The following MTDH variants were observed in gnomAD, a reference collection of about 807,000 sequenced individuals.
The protein encoded by MTDH is protein LYRIC.
In MTDH, 34 loss-of-function variants were observed where a neutral mutation model predicts 72.7. The ratio of observed to expected loss-of-function variants is 0.47; its 90% CI spans 0.36 to 0.62. MTDH has a LOEUF of 0.62. MTDH is among the 20% of genes least tolerant of loss of function. The pLI is 0.00. For missense variants in MTDH, 677 were observed against 699.4 expected, an observed-to-expected ratio of 0.97 and a Z score of 0.36; for synonymous variants, 266 against 268.9, an observed-to-expected ratio of 0.99 and a Z score of 0.10.
At chr8:97,699,075 T>C (rs529026225) in intron 6 of MTDH, among the ~76,000 whole-genome samples, 9 of 151,824 alleles carry the variant, frequency 5.9e-5, no homozygotes, top group Non-Finnish European at 8.8e-5. Flanking sequence ...CACTTAAGCC[T>C]AGGAGTTCAA....
chr8:97,694,283 C>T (rs1012205312), intron 6 of MTDH, among the ~76,000 whole-genome samples: 3 of 151,780 alleles, frequency 2.0e-5, no homozygotes, highest in South Asian at 2.1e-4. Flanking sequence ...CCACAACCAC[C>T]GCCTCTCGGG....
At chr8:97,690,794 A>G (rs1813573044) in intron 5 of MTDH, among the ~76,000 whole-genome samples, 158 bp from the exon 6 acceptor site, 2 of 152,224 alleles carry the variant, frequency 1.3e-5, no homozygotes, top group African/African-American at 4.8e-5. Context: ...TGTTATGTTC[A>G]AGCCTCCTGT....
intron 11 of MTDH, 35 bp from the exon 12 acceptor site, chr8:97,724,565 A>AT (rs755689608): frequency 5.0e-5 from 74 of 1,472,588 alleles, no homozygotes; most frequent in Non-Finnish European, 4.6e-5. Flanking sequence ...CATCCTCCTA[A>AT]TTTTTTTCTT....
chr8:97,723,098 A>G lies in MTDH; in HGVS notation c.1678+63A>G. 4 of 1,538,652 alleles carry G rather than the reference A, an allele frequency of 2.6e-6. No homozygotes were observed. In the South Asian group the frequency reaches 5.0e-5, roughly 19 times the overall value. Reference sequence around the variant, plus strand: ...ACATTTTTCATGTGTTAAGGTTCTGATCTTAAAAGTCTAATGGAGGCCAGG... The same window carrying G: ...ACATTTTTCATGTGTTAAGGTTCTGGTCTTAAAAGTCTAATGGAGGCCAGG... On this transcript the variant is annotated intron_variant, in intron 11 of 11. Transcript: ENST00000336273.
intron 1 of MTDH, among the ~76,000 whole-genome samples, chr8:97,648,800 G>A (rs1226048716): frequency 1.3e-5 from 2 of 152,180 alleles, no homozygotes; most frequent in Non-Finnish European, 2.9e-5. Flanking sequence ...AGATAGCCTT[G>A]CACAGTGCTT....
chr8:97,710,624 G>A (rs1814586346), intron 8 of MTDH, among the ~76,000 whole-genome samples: 1 of 148,346 alleles, frequency 6.7e-6, no homozygotes, highest in South Asian at 2.1e-4. Context: ...CTTGAACTGG[G>A]AGGCAGAGGT....
rs1311 is a variant in MTDH, at chr8:97,726,133, T to C, written c.*1463T>C. 14,771 of 152,626 alleles carry C rather than the reference T, an allele frequency of 0.097. 1,054 individuals carry two copies. Among genetic ancestry groups the C allele is most frequent in the East Asian group, 0.3 (1,540 of 5,162 alleles). The allele number at this position is 152,626 out of a possible 1,614,324, so 9.5% of individuals were successfully genotyped here. A position where few individuals can be genotyped will look rare whatever the true frequency, so the allele number is the denominator to read the frequency against. On this transcript the variant is annotated 3_prime_UTR_variant, in exon 12 of 12. Coordinates refer to ENST00000336273, the MANE Select transcript of MTDH (RefSeq NM_178812.4). ...GACTAGGAAAGCTAAACGAACAAAA[T>C]GGTTTTAGTTTTGCTGAAGACTGGC...
intron 2 of MTDH, among the ~76,000 whole-genome samples, chr8:97,667,721 G>A (rs1441750011): frequency 1.3e-5 from 2 of 151,574 alleles, no homozygotes; most frequent in African/African-American, 4.8e-5. Flanking sequence ...TGCTGGTGCA[G>A]TAGCTCACAC....
chr8:97,654,791 A>G (rs1811905477), intron 1 of MTDH, among the ~76,000 whole-genome samples: 1 of 152,026 alleles, frequency 6.6e-6, no homozygotes, highest in South Asian at 2.1e-4. Flanking sequence ...GCTCAGTATC[A>G]CTTTTAGCCA....
At chr8:97,657,402 A>G (rs1419108899) in intron 1 of MTDH, among the ~76,000 whole-genome samples, 1 of 152,236 alleles carries the variant, frequency 6.6e-6, no homozygotes, top group Admixed American at 6.5e-5. Context: ...AGAATTTTAA[A>G]CTGGGGTACA....
chr8:97,676,945 C>T (rs1812870735), intron 2 of MTDH, among the ~76,000 whole-genome samples: 1 of 136,894 alleles, frequency 7.3e-6, no homozygotes, highest in African/African-American at 2.8e-5. Flanking sequence ...GTGGATGTTG[C>T]AGTGAGCTGA....
chr8:97,677,915 C>G (rs1171819070), intron 2 of MTDH, among the ~76,000 whole-genome samples: 26 of 152,052 alleles, frequency 1.7e-4, no homozygotes, highest in Admixed American at 1.7e-3. Flanking sequence ...GAAAGAAATA[C>G]TATGGGGAAA....
chr8:97,689,524 T>C (rs1225996591), intron 5 of MTDH, among the ~76,000 whole-genome samples: 1 of 151,986 alleles, frequency 6.6e-6, no homozygotes, highest in East Asian at 1.9e-4. Context: ...CAGTCAAGTA[T>C]CAAATATTTC....
chr8:97,669,540 T>TA (rs1460256986), intron 2 of MTDH, among the ~76,000 whole-genome samples: 2 of 152,178 alleles, frequency 1.3e-5, no homozygotes, highest in African/African-American at 4.8e-5. Context: ...CTCCGCCACT[T>TA]ATCCCCAGTC....
intron 2 of MTDH, among the ~76,000 whole-genome samples, chr8:97,683,118 G>GCA (rs2130990753): frequency 7.8e-6 from 1 of 128,540 alleles, no homozygotes; most frequent in South Asian, 2.5e-4. Flanking sequence ...AGGCTGGAGT[G>GCA]CAGTGGAGCG....
chr8:97,671,882 A>C (rs925556642), intron 2 of MTDH, among the ~76,000 whole-genome samples: 1 of 152,164 alleles, frequency 6.6e-6, no homozygotes, highest in Non-Finnish European at 1.5e-5. Flanking sequence ...CATCCTTAAT[A>C]CATTTTAGGA....
rs1053950461 is a variant in MTDH, at chr8:97,690,967, A to G, written c.827A>G (p.Asn276Ser). The G allele has an allele frequency of 6.2e-7, 1 of 1,611,562 alleles. No homozygotes were observed. The highest frequency in any genetic ancestry group is 1.3e-5 in the African/African-American group (1 of 74,856). Residue 276 changes from asparagine to serine, a missense_variant, in exon 6 of 12, where the codon AAT becomes AGT. By Grantham distance (46) the Asn-to-Ser change is conservative. Around this residue, in one of 3 missense-constraint regions of MTDH, gnomAD observed 467 missense variants for 469.1 expected, o/e 1.00. Coordinates refer to ENST00000336273, the MANE Select transcript of MTDH (RefSeq NM_178812.4). ...TTTCTTTAAGTTTCTTCAGGATTGAATGAAAACCTCACTGTCAATGGAGGA... is the reference window on the plus strand; with the variant it reads ...TTTCTTTAAGTTTCTTCAGGATTGAGTGAAAACCTCACTGTCAATGGAGGA... ...DSTLQVSSGL[N>S]ENLTVNGGGW... is the part of the protein sequence containing the mutation.
chr8:97,682,005 C>A (rs1451055721), intron 2 of MTDH, among the ~76,000 whole-genome samples: 1 of 151,216 alleles, frequency 6.6e-6, no homozygotes, highest in African/African-American at 2.4e-5. Context: ...TGGAGCCTGA[C>A]AACAAGTTAG....
chr8:97,675,927 A>C (rs1465780223), intron 2 of MTDH, among the ~76,000 whole-genome samples: 1 of 143,594 alleles, frequency 7.0e-6, no homozygotes, highest in Non-Finnish European at 1.5e-5. Context: ...ATAAATGGCT[A>C]GTTGCAAATA....
Sources: allele counts gnomAD v4.1 joint callset (sites outside exome capture counted in the v4.1 genomes callset), GRCh38; gene constraint gnomAD v4.1.1; regional missense constraint gnomAD v4.1.1; transcripts MANE v1.5; gene names NCBI Gene and HGNC (gene_info 2026-07-23, HGNC 2026-07-21).